Variants in CMPK2 observed in about 807,000 individuals in gnomAD.
CMPK2 encodes the protein UMP-CMP kinase 2, mitochondrial.
In CMPK2, 32 loss-of-function variants were observed where a neutral mutation model predicts 33.4. The ratio of observed to expected loss-of-function variants is 0.96; its 90% CI spans 0.72 to 1.29. CMPK2 has a LOEUF of 1.29. Ranked by LOEUF, CMPK2 falls within the 50% of genes most tolerant of loss-of-function variation. The pLI, the probability that CMPK2 is intolerant of heterozygous loss-of-function variation, is 0.00. For synonymous variants in CMPK2, 299 were observed against 275.3 expected (o/e 1.09, Z -0.85); for missense variants, 672 against 616.0 (o/e 1.09, Z -0.96).
rs774534730 is a variant in CMPK2 at position 6,849,990 on chromosome 2, C to T, written c.1227-17G>A. 5.7e-6 allele frequency: 9 copies of T among 1,591,708 alleles called. No individual in the cohort carries two copies. Among genetic ancestry groups the T allele is most frequent in the Non-Finnish European group, 7.8e-6 (9 of 1,160,608 alleles). On this transcript the variant is annotated splice_polypyrimidine_tract_variant and intron_variant, in intron 4 of 4. Coordinates refer to ENST00000256722, the MANE Select transcript of CMPK2 (RefSeq NM_207315.4). Reference sequence around the variant, plus strand: ...ATTTCTACCCTGGGGACAGGCAAAACACAAAGAGTTGGTCTACTTTTTCAC... The same window carrying T: ...ATTTCTACCCTGGGGACAGGCAAAATACAAAGAGTTGGTCTACTTTTTCAC...
Position 6,849,776 on chromosome 2 carries a change from T to C in CMPK2, c.*74A>G. ...TTGTAGAACAGAAATTTGGGAACAC[T>C]GCATAACAAATGGTGGATGTAGATG... On this transcript the variant is annotated 3_prime_UTR_variant, in exon 5 of 5. Transcript: ENST00000256722. The C allele has an allele frequency of 6.3e-7, 1 of 1,599,904 alleles. No individual in the cohort carries two copies. The highest frequency in any genetic ancestry group is 8.5e-7 in the Non-Finnish European group (1 of 1,176,018).
At chr2:6,861,568 C>T (rs1031424957) in intron 2 of CMPK2, among the ~76,000 whole-genome samples, 183 bp from the exon 3 acceptor site, 10 of 152,120 alleles carry the variant, frequency 6.6e-5, no homozygotes, top group Non-Finnish European at 1.2e-4. Flanking sequence ...TTAGGAAACC[C>T]GGAGGAAAAA....
At chr2:6,843,898 T>C (rs1212708107), downstream of CMPK2, among the ~76,000 whole-genome samples, 1 of 152,194 alleles carries the variant, frequency 6.6e-6, no homozygotes, top group Non-Finnish European at 1.5e-5. Context: ...CCTTTCTACG[T>C]CCAGAATCAA....
chr2:6,848,540 G>C lies in CMPK2; in HGVS notation c.*1310C>G, dbSNP rs1192131403. 1.1e-6 allele frequency: 1 copy of C among 950,064 alleles called. No homozygotes were observed. The highest frequency in any genetic ancestry group is 1.3e-6 in the Non-Finnish European group (1 of 797,914). The allele number at this position is 950,064 out of a possible 1,614,324, so 58.9% of individuals were successfully genotyped here. A position where few individuals can be genotyped will look rare whatever the true frequency, so the allele number is the denominator to read the frequency against. On this transcript the variant is annotated 3_prime_UTR_variant, in exon 5 of 5. Coordinates refer to ENST00000256722, the MANE Select transcript of CMPK2 (RefSeq NM_207315.4). Reference sequence around the variant, plus strand: ...CATTTTAATATACACATATTATATAGAAATTACCTATAGCTCTTTTAAAAA... The same window carrying C: ...CATTTTAATATACACATATTATATACAAATTACCTATAGCTCTTTTAAAAA...
rs1219045185 is a variant in CMPK2, at chr2:6,849,144, T to C, written c.*706A>G. On this transcript the variant is annotated 3_prime_UTR_variant, in exon 5 of 5. Transcript: ENST00000256722. Reference sequence around the variant, plus strand: ...AAAAGAAATATAAATAAGCAAAATATAATTCAGAGAAGGTTGGTATATTTG... The same window carrying C: ...AAAAGAAATATAAATAAGCAAAATACAATTCAGAGAAGGTTGGTATATTTG... 2 of 984,280 alleles carry C rather than the reference T, an allele frequency of 2.0e-6. No homozygotes were observed. Among genetic ancestry groups the C allele is most frequent in the Admixed American group, 6.1e-5 (1 of 16,268 alleles). 61.0% of individuals were successfully genotyped at this position (984,280 alleles called of 1,614,324 possible).
intron 1 of CMPK2, 76 bp downstream of exon 1, chr2:6,864,946 C>T: frequency 3.0e-6 from 4 of 1,347,398 alleles, no homozygotes; most frequent in Middle Eastern, 2.0e-4. Context: ...CTCTACAGAC[C>T]AGCCTCTTGG....
At position 6,849,278 on chromosome 2, in the gene CMPK2, C is replaced by T. The variant is rs1189706101; in HGVS notation, c.*572G>A. On this transcript the variant is annotated 3_prime_UTR_variant, in exon 5 of 5. Transcript: ENST00000256722. ...ATGCCTTCTTTGTAAGTGTTCCTTA[C>T]CCAAAAATGGCTCTGCAGGAGTGTC... 1 of 985,422 alleles carries T rather than the reference C, an allele frequency of 1.0e-6. No homozygotes were observed. Among genetic ancestry groups the T allele is most frequent in the South Asian group, 4.7e-5 (1 of 21,292 alleles). The allele number at this position is 985,422 out of a possible 1,614,324, so 61.0% of individuals were successfully genotyped here.
intron 3 of CMPK2, among the ~76,000 whole-genome samples, chr2:6,855,859 A>G (rs1187852350): frequency 2.6e-5 from 4 of 152,190 alleles, no homozygotes; most frequent in Non-Finnish European, 5.9e-5. Context: ...TTTCAGACAT[A>G]CAGAAAAGTG....
At chr2:6,855,885 A>G (rs1662691680) in intron 3 of CMPK2, among the ~76,000 whole-genome samples, 2 of 152,228 alleles carry the variant, frequency 1.3e-5, no homozygotes, top group African/African-American at 4.8e-5. Flanking sequence ...AAAAAGATAT[A>G]CTTTCAAGAA....
exon 4 of CMPK2, chr2:6,840,671 G>T (rs1180643390): frequency 1.4e-6 from 1 of 702,160 alleles, no homozygotes; most frequent in Non-Finnish European, 2.6e-6. Context: ...GTTCCTCCCA[G>T]CTGGGACCTA....
rs1335776373 is a variant in CMPK2 at position 6,861,054 on chromosome 2, CT to C, written c.992+129del. 6 of 728,014 alleles carry C rather than the reference CT, an allele frequency of 8.2e-6. No individual in the cohort carries two copies. In the African/African-American group the frequency reaches 1.1e-4, roughly 13 times the overall value. The allele number at this position is 728,014 out of a possible 1,614,324, so 45.1% of individuals were successfully genotyped here. A position where few individuals can be genotyped will look rare whatever the true frequency, so the allele number is the denominator to read the frequency against. ...TATTATTATCATAATAACAGTTTGA[CT>C]TAAACACAATTTTTTTCCTGGCATA... On this transcript the variant is annotated intron_variant, in intron 3 of 4. Transcript: ENST00000256722.
At chr2:6,850,273 C>T (rs1217223539) in intron 4 of CMPK2, among the ~76,000 whole-genome samples, 1 of 152,132 alleles carries the variant, frequency 6.6e-6, no homozygotes, top group Non-Finnish European at 1.5e-5. Flanking sequence ...TATTGTCATC[C>T]CTGTTTTGCA....
At position 6,865,541 on chromosome 2, in the gene CMPK2, G is replaced by C. The variant is rs1235933112; in HGVS notation, c.156C>G (p.Pro52=). The change falls in exon 1 of 5, where the codon CCC becomes CCG. Residue 52 remains proline (P), a synonymous_variant. Coordinates refer to ENST00000256722, the MANE Select transcript of CMPK2 (RefSeq NM_207315.4). ...GGGGGTCGGGGGCGTCTGCGTCGCCGGGGGCGTCGGCGCCTAGGGCGAAGT... is the reference window on the plus strand; with the variant it reads ...GGGGGTCGGGGGCGTCTGCGTCGCCCGGGGCGTCGGCGCCTAGGGCGAAGT... The part of the protein sequence containing the change: ...LAHFALGADA[P]GDADAPDPRL... The C allele has an allele frequency of 2.3e-6, 3 of 1,302,192 alleles. No individual in the cohort carries two copies. The highest frequency in any genetic ancestry group is 4.0e-5 in the Admixed American group (1 of 24,982). The allele number at this position is 1,302,192 out of a possible 1,614,324, so 80.7% of individuals were successfully genotyped here.
chr2:6,866,042 C>A (rs944105039), upstream of CMPK2: 15 of 352,864 alleles, frequency 4.3e-5, no homozygotes, highest in Middle Eastern at 3.8e-4. Flanking sequence ...CCGTCGGCCC[C>A]AAGGTAGCTC....
Position 6,865,593 on chromosome 2 carries a change from A to G in CMPK2, c.104T>C (p.Leu35Pro), listed in dbSNP as rs911051730. 1 of 1,394,230 alleles carries G rather than the reference A, an allele frequency of 7.2e-7. No individual in the cohort carries two copies. The highest frequency in any genetic ancestry group is 9.3e-7 in the Non-Finnish European group (1 of 1,074,152). 86.4% of individuals were successfully genotyped at this position (1,394,230 alleles called of 1,614,324 possible). A position where few individuals can be genotyped will look rare whatever the true frequency, so the allele number is the denominator to read the frequency against. ...AGCCAGGGTGCAGTCGGGAAGCTCCAGGACGAAGCGGCGCGGCGGAGCCAT... is the reference window on the plus strand; with the variant it reads ...AGCCAGGGTGCAGTCGGGAAGCTCCGGGACGAAGCGGCGCGGCGGAGCCAT... Reference protein sequence around the residue: ...GAMAPPRRFVLELPDCTLAHF... With the variant: ...GAMAPPRRFVPELPDCTLAHF... The change falls in exon 1 of 5, where the codon CTG becomes CCG. Residue 35 changes from leucine (L) to proline (P), a missense_variant. Leu to Pro is a moderately conservative substitution (Grantham distance 98). Transcript: ENST00000256722.
chr2:6,866,430 G>C (rs912720921), upstream of CMPK2: 1 of 985,424 alleles, frequency 1.0e-6, no homozygotes, highest in African/African-American at 1.7e-5. Context: ...ACTCACCTGT[G>C]CACAAGCTTT....
chr2:6,862,273 A>G (rs1188958357), intron 2 of CMPK2, among the ~76,000 whole-genome samples: 3 of 152,222 alleles, frequency 2.0e-5, no homozygotes, highest in Non-Finnish European at 2.9e-5. Flanking sequence ...TAATTCTCCC[A>G]GTGACCCTGC....
At chr2:6,854,639 T>A (rs1195549676) in intron 3 of CMPK2, among the ~76,000 whole-genome samples, 2 of 152,198 alleles carry the variant, frequency 1.3e-5, no homozygotes, top group Admixed American at 6.5e-5. Flanking sequence ...AGCCCATCAA[T>A]TTCAGACGCT....
At chr2:6,863,265 C>T (rs72779781) in intron 2 of CMPK2, among the ~76,000 whole-genome samples, 199 bp downstream of exon 2, 14,570 of 152,146 alleles carry the variant, frequency 0.096, 802 homozygotes, top group East Asian at 0.23. Context: ...ACTGAGGATC[C>T]GCGCCCACAC....
Sources: allele counts gnomAD v4.1 joint callset (sites outside exome capture counted in the v4.1 genomes callset), GRCh38; gene constraint gnomAD v4.1.1; transcripts MANE v1.5; gene names NCBI Gene and HGNC (gene_info 2026-07-23, HGNC 2026-07-21).